The following RSRC1 variants were observed in gnomAD, a reference collection of about 807,000 sequenced individuals.
RSRC1 encodes serine/Arginine-related protein 53.
A neutral mutation model predicts 49.1 loss-of-function variants in RSRC1; 39 were observed. The observed-to-expected ratio is 0.79, with a 90% CI of 0.61 to 1.04. The LOEUF (loss-of-function observed/expected upper bound fraction) is 1.04. Among genes scored for constraint, RSRC1 ranks in the 50% least tolerant of loss-of-function variants. The pLI, the probability that RSRC1 is intolerant of heterozygous loss-of-function variation, is 0.00. For synonymous variants in RSRC1, 143 were observed against 130.8 expected, an observed-to-expected ratio of 1.09 and a Z score of -0.63; for missense variants, 388 against 402.4, an observed-to-expected ratio of 0.96 and a Z score of 0.31.
At chr3:158,202,995 G>C in intron 3 of RSRC1, 77 bp from the exon 4 acceptor site, 1 of 1,184,444 alleles carries the variant, frequency 8.4e-7, no homozygotes, top group South Asian at 1.7e-5. Flanking sequence ...GTTTTTTTCA[G>C]ATAATTTAAA....
chr3:158,507,784 G>A (rs570899842), intron 7 of RSRC1, among the ~76,000 whole-genome samples: 1 of 152,230 alleles, frequency 6.6e-6, no homozygotes, highest in East Asian at 1.9e-4. Context: ...TTTTAATCCA[G>A]GGCATTGGCC....
intron 4 of RSRC1, among the ~76,000 whole-genome samples, chr3:158,227,684 T>C (rs1021105318): frequency 6.6e-6 from 1 of 152,020 alleles, no homozygotes; most frequent in South Asian, 2.1e-4. Context: ...TTGGAAAGCA[T>C]TGGAGAGAAA....
intron 4 of RSRC1, among the ~76,000 whole-genome samples, chr3:158,206,181 T>A (rs1721335176): frequency 6.6e-6 from 1 of 152,196 alleles, no homozygotes; most frequent in Non-Finnish European, 1.5e-5. Flanking sequence ...TGAGGCTGTT[T>A]TTATACTTCT....
At chr3:158,231,137 CTTTTTT>C (rs35368661) in intron 4 of RSRC1, among the ~76,000 whole-genome samples, 5 of 67,944 alleles carry the variant, frequency 7.4e-5, no homozygotes, top group Non-Finnish European at 1.0e-4. Context: ...TAGTCGTTAG[CTTTTTT>C]TTTTTTTTTT....
intron 7 of RSRC1, among the ~76,000 whole-genome samples, chr3:158,513,307 TGA>T (rs577941525): frequency 0.011 from 1,714 of 152,080 alleles, 15 homozygotes; most frequent in Non-Finnish European, 0.017. Flanking sequence ...CCCAATTTAT[TGA>T]GAGTTTTTAG....
chr3:158,278,204 T>G (rs955113872), intron 4 of RSRC1, among the ~76,000 whole-genome samples: 2 of 152,242 alleles, frequency 1.3e-5, no homozygotes, highest in Non-Finnish European at 2.9e-5. Context: ...AGGTTCACTG[T>G]TGACACTTCT....
chr3:158,406,769 G>T (rs1204073233), intron 6 of RSRC1, among the ~76,000 whole-genome samples: 2 of 152,014 alleles, frequency 1.3e-5, no homozygotes, highest in Non-Finnish European at 2.9e-5. Flanking sequence ...GTCCCAAATG[G>T]GGCAGCTAGT....
intron 7 of RSRC1, among the ~76,000 whole-genome samples, chr3:158,519,875 C>G (rs1576604513): frequency 6.6e-6 from 1 of 151,874 alleles, no homozygotes; most frequent in African/African-American, 2.4e-5. Flanking sequence ...GAGAAAGGAG[C>G]CTACATTGAG....
intron 4 of RSRC1, among the ~76,000 whole-genome samples, chr3:158,207,438 A>G (rs892074440): frequency 1.3e-5 from 2 of 152,068 alleles, no homozygotes; most frequent in South Asian, 2.1e-4. Flanking sequence ...TGATGGTTTC[A>G]TTAGCTGTCT....
At chr3:158,501,622 A>G (rs1739603602) in intron 7 of RSRC1, among the ~76,000 whole-genome samples, 1 of 152,028 alleles carries the variant, frequency 6.6e-6, no homozygotes. Flanking sequence ...GTCTTTTTTT[A>G]ACTGCTGTTG....
intron 3 of RSRC1, among the ~76,000 whole-genome samples, chr3:158,148,903 C>T (rs1717337891): frequency 1.3e-5 from 2 of 151,910 alleles, no homozygotes. Context: ...CCTACCTCAG[C>T]CTCCCGAGTA....
intron 3 of RSRC1, among the ~76,000 whole-genome samples, chr3:158,197,967 G>A (rs970366531): frequency 2.6e-5 from 4 of 152,302 alleles, no homozygotes; most frequent in Admixed American, 6.5e-5. Flanking sequence ...TGTATATTCT[G>A]TTGATTTGGG....
intron 6 of RSRC1, among the ~76,000 whole-genome samples, chr3:158,424,687 C>T (rs1051099301): frequency 9.3e-5 from 14 of 151,098 alleles, no homozygotes; most frequent in Non-Finnish European, 5.9e-5. Context: ...TGGTAGAATT[C>T]GGCTGTGAAT....
intron 6 of RSRC1, among the ~76,000 whole-genome samples, chr3:158,439,670 G>T (rs182730904): frequency 4.1e-4 from 63 of 152,172 alleles, no homozygotes; most frequent in Admixed American, 1.4e-3. Context: ...GTTGTGGGGT[G>T]GGGGGCTAGG....
Position 158,545,191 on chromosome 3 carries a change from T to TTC in RSRC1, c.*918_*919dup, listed in dbSNP as rs869200300. The TTC allele has an allele frequency of 7.6e-6, 1 of 131,486 alleles. No homozygotes were observed. The highest frequency in any genetic ancestry group is 1.7e-5 in the Non-Finnish European group (1 of 59,100). The allele number at this position is 131,486 out of a possible 1,614,324, so 8.1% of individuals were successfully genotyped here. A position where few individuals can be genotyped will look rare whatever the true frequency, so the allele number is the denominator to read the frequency against. ...GACATGAATATTTCCCGTTTCTATT[T>TTC]TCTTTTTTTTTTTTTTTTTTTTTTT... On this transcript the variant is annotated 3_prime_UTR_variant, in exon 10 of 10. Coordinates refer to ENST00000611884, the MANE Select transcript of RSRC1 (RefSeq NM_001271838.2).
intron 5 of RSRC1, among the ~76,000 whole-genome samples, chr3:158,329,005 A>G (rs561116813): frequency 7.2e-5 from 11 of 152,096 alleles, no homozygotes; most frequent in African/African-American, 2.2e-4. Context: ...CATCCCTGAT[A>G]CCCTTTCTTC....
chr3:158,445,905 T>C (rs932878848), intron 6 of RSRC1, among the ~76,000 whole-genome samples: 20 of 152,110 alleles, frequency 1.3e-4, no homozygotes, highest in Non-Finnish European at 2.2e-4. Context: ...TATTTAAAAT[T>C]CTGTGTTTCT....
chr3:158,510,165 T>C (rs1390302522), intron 7 of RSRC1, among the ~76,000 whole-genome samples: 2 of 152,216 alleles, frequency 1.3e-5, no homozygotes, highest in African/African-American at 4.8e-5. Context: ...TAAAATGTTA[T>C]CTGATTTTGA....
rs1019007130 is a variant in RSRC1 at position 158,214,261 on chromosome 3, A to C, written c.494+11016A>C. Among the ~76,000 whole-genome samples the C allele has an allele frequency of 4.0e-5, 6 of 151,844 alleles. No homozygotes were observed. In the East Asian group the frequency reaches 7.8e-4, roughly 20 times the overall value. ...TTGGCTTATTCCATCTTAGTTGTTG[A>C]GTTTATATTCATAGAGTTGTTCATA... On this transcript the variant is annotated intron_variant, in intron 4 of 9. Coordinates refer to ENST00000611884, the MANE Select transcript of RSRC1 (RefSeq NM_001271838.2).
Sources: allele counts gnomAD v4.1 joint callset (sites outside exome capture counted in the v4.1 genomes callset), GRCh38; gene constraint gnomAD v4.1.1; transcripts MANE v1.5; gene names NCBI Gene and HGNC (gene_info 2026-07-23, HGNC 2026-07-21).